The following CTNNA3 variants were observed in gnomAD, a reference collection of about 807,000 sequenced individuals.
The protein encoded by CTNNA3 is catenin alpha 3.
In CTNNA3, 76 loss-of-function variants were observed where a neutral mutation model predicts 95.7. That is an observed-to-expected ratio of 0.79 (90% CI 0.66 to 0.96). The LOEUF is 0.96. Ranked by LOEUF, CTNNA3 falls within the 40% of genes least tolerant of loss-of-function variation. CTNNA3 has a pLI of 0.00. For missense variants in CTNNA3, 1,191 were observed against 1,089.8 expected (o/e 1.09, Z -1.31); for synonymous variants, 431 against 374.4 (o/e 1.15, Z -1.74).
intron 7 of CTNNA3, chr10:67,097,517 G>A: frequency 7.2e-7 from 1 of 1,389,616 alleles, no homozygotes; most frequent in Non-Finnish European, 1.0e-6. Context: ...CAGCACTTCA[G>A]TCTCTAAATC....
intron 3 of CTNNA3, among the ~76,000 whole-genome samples, chr10:67,579,548 T>G (rs1329844740): frequency 6.6e-6 from 1 of 152,206 alleles, no homozygotes; most frequent in East Asian, 1.9e-4. Context: ...GCATGATTTA[T>G]GATCCTTTGG....
At chr10:67,403,663 T>C (rs1159684976) in intron 5 of CTNNA3, among the ~76,000 whole-genome samples, 1 of 151,858 alleles carries the variant, frequency 6.6e-6, no homozygotes, top group Non-Finnish European at 1.5e-5. Flanking sequence ...CAAAACTATA[T>C]GGGGGTGAAG....
At chr10:66,628,560 A>G (rs2132336570) in intron 9 of CTNNA3, among the ~76,000 whole-genome samples, 1 of 152,316 alleles carries the variant, frequency 6.6e-6, no homozygotes, top group Admixed American at 6.5e-5. Flanking sequence ...ATGGGTGTGG[A>G]AATAATCTAG....
intron 5 of CTNNA3, among the ~76,000 whole-genome samples, chr10:67,317,250 T>C (rs1478761911): frequency 6.6e-6 from 1 of 152,046 alleles, no homozygotes; most frequent in Non-Finnish European, 1.5e-5. Flanking sequence ...TTAGGGTACA[T>C]GTGCACAACA....
intron 13 of CTNNA3, among the ~76,000 whole-genome samples, chr10:66,163,049 A>G (rs2084933340): frequency 6.6e-6 from 1 of 151,824 alleles, no homozygotes; most frequent in African/African-American, 2.4e-5. Flanking sequence ...GGCTGGTCTC[A>G]CTCCCATGGT....
At chr10:66,192,569 A>G (rs1474943010) in intron 13 of CTNNA3, among the ~76,000 whole-genome samples, 1 of 152,166 alleles carries the variant, frequency 6.6e-6, no homozygotes, top group Admixed American at 6.6e-5. Context: ...TACTTTTAAG[A>G]TAAGTACTTG....
intron 7 of CTNNA3, among the ~76,000 whole-genome samples, chr10:67,170,999 A>T (rs1861993878): frequency 6.6e-6 from 1 of 152,206 alleles, no homozygotes; most frequent in South Asian, 2.1e-4. Context: ...AAATGATGAT[A>T]TTTTGCATAC....
intron 15 of CTNNA3, among the ~76,000 whole-genome samples, chr10:66,006,928 G>A (rs943600412): frequency 1.3e-5 from 2 of 152,136 alleles, no homozygotes; most frequent in African/African-American, 4.8e-5. Flanking sequence ...TCAGTACAGA[G>A]TTAGTTCAAG....
At chr10:67,018,074 T>C (rs964686630) in intron 7 of CTNNA3, among the ~76,000 whole-genome samples, 1 of 152,122 alleles carries the variant, frequency 6.6e-6, no homozygotes, top group Non-Finnish European at 1.5e-5. Context: ...GCCTGGCCTG[T>C]GGATATATAT....
intron 9 of CTNNA3, among the ~76,000 whole-genome samples, chr10:66,731,759 A>G (rs373619350): frequency 1.3e-5 from 2 of 152,170 alleles, no homozygotes; most frequent in East Asian, 1.9e-4. Flanking sequence ...GGGAAAAGTG[A>G]ACATATTTAA....
At chr10:67,453,821 G>A (rs1306254272) in intron 5 of CTNNA3, among the ~76,000 whole-genome samples, 1 of 152,090 alleles carries the variant, frequency 6.6e-6, no homozygotes. Flanking sequence ...TGTTAATTTG[G>A]AATTTAAATG....
At chr10:67,088,867 C>T (rs1857457637) in intron 7 of CTNNA3, among the ~76,000 whole-genome samples, 2 of 151,868 alleles carry the variant, frequency 1.3e-5, no homozygotes, top group Admixed American at 1.3e-4. Flanking sequence ...TCCATAGGTT[C>T]TACATCCATA....
At chr10:66,728,558 TAC>T (rs1848850228) in intron 9 of CTNNA3, among the ~76,000 whole-genome samples, 2 of 152,106 alleles carry the variant, frequency 1.3e-5, no homozygotes, top group South Asian at 4.1e-4. Context: ...GTTTTTATAT[TAC>T]AGTTTTGGGT....
intron 13 of CTNNA3, among the ~76,000 whole-genome samples, chr10:66,238,227 C>G (rs554954356): frequency 6.6e-6 from 1 of 151,760 alleles, no homozygotes. Context: ...CTTACTGAGG[C>G]GGGGAGAGGG....
intron 5 of CTNNA3, among the ~76,000 whole-genome samples, chr10:67,340,478 C>T (rs966534113): frequency 9.2e-5 from 14 of 152,170 alleles, no homozygotes; most frequent in Admixed American, 8.5e-4. Context: ...ACTCAGCATG[C>T]TAATATATCA....
chr10:67,129,596 T>C (rs2132014985), intron 7 of CTNNA3, among the ~76,000 whole-genome samples: 1 of 152,188 alleles, frequency 6.6e-6, no homozygotes, highest in South Asian at 2.1e-4. Context: ...ATTATAGAGA[T>C]GAGAAAAATG....
intron 9 of CTNNA3, among the ~76,000 whole-genome samples, chr10:66,682,571 C>G (rs946189091): frequency 2.6e-5 from 4 of 151,638 alleles, no homozygotes; most frequent in African/African-American, 7.3e-5. Context: ...TCAGGAGATT[C>G]TCTCAATCAC....
chr10:66,252,309 T>G (rs577405085), intron 13 of CTNNA3, among the ~76,000 whole-genome samples: 16 of 152,332 alleles, frequency 1.1e-4, no homozygotes, highest in Non-Finnish European at 2.1e-4. Context: ...TGCCTAGGCA[T>G]CAAATGTTTA....
At chr10:66,886,114 G>A (rs1263047685) in intron 7 of CTNNA3, among the ~76,000 whole-genome samples, 2 of 152,076 alleles carry the variant, frequency 1.3e-5, no homozygotes, top group Non-Finnish European at 2.9e-5. Flanking sequence ...GGATAAAAAT[G>A]GGTTTAAAAG....
Sources: gnomAD v4.1 joint callset for allele counts (sites outside exome capture counted in the v4.1 genomes callset) on GRCh38, gnomAD v4.1.1 for gene constraint, MANE v1.5 for transcripts, NCBI Gene and HGNC (gene_info 2026-07-23, HGNC 2026-07-21) for gene names.